Variants in MAPK8IP3 observed in about 807,000 individuals in gnomAD.
MAPK8IP3 encodes mitogen-activated protein kinase 8 interacting protein 3.
MAPK8IP3 carries 49 observed loss-of-function variants against 157.8 expected under a neutral mutation model. That is an observed-to-expected ratio of 0.31 (90% CI 0.25 to 0.39). The LOEUF (loss-of-function observed/expected upper bound fraction) is 0.39. MAPK8IP3 is among the 10% of genes least tolerant of loss of function. The probability of loss-of-function intolerance (pLI) is 1.00; values close to 1 mark genes in which losing one functional copy is unlikely to be tolerated. For synonymous variants in MAPK8IP3, 897 were observed against 777.7 expected (o/e 1.15, Z -2.55); for missense variants, 1,478 against 1,889.4 (o/e 0.78, Z 4.04).
intron 16 of MAPK8IP3, 152 bp from the exon 17 acceptor site, chr16:1,763,505 C>A: frequency 8.6e-7 from 1 of 1,162,426 alleles, no homozygotes; most frequent in Non-Finnish European, 1.2e-6. Flanking sequence ...GCCGGGAAAG[C>A]CACCCTTCCC....
intron 19 of MAPK8IP3, among the ~76,000 whole-genome samples, chr16:1,764,678 G>C (rs2042153272): frequency 1.3e-5 from 2 of 152,236 alleles, no homozygotes; most frequent in South Asian, 4.1e-4. Flanking sequence ...CCTGGAGTGG[G>C]CCTGCACTGG....
Position 1,767,881 on chromosome 16 carries a change from CG to C in MAPK8IP3, c.3488del (p.Gly1163AlafsTer10). ...CGGGCAGCCGGCTCTGGGTGGGCAC[CG>C]GCAACGGAGTGGTCATCTCCATCCC... ...VAGSRLWVGT[G>X]NGVVISIPLT... On this transcript the variant is annotated frameshift_variant, in exon 28 of 32. Transcript: ENST00000610761. LOFTEE classifies it high-confidence loss of function. The C allele has an allele frequency of 6.2e-7, 1 of 1,611,314 alleles. No individual in the cohort carries two copies. The highest frequency in any genetic ancestry group is 8.5e-7 in the Non-Finnish European group (1 of 1,179,948).
At chr16:1,735,382 G>A (rs113564562) in intron 4 of MAPK8IP3, among the ~76,000 whole-genome samples, 36 of 150,158 alleles carry the variant, frequency 2.4e-4, no homozygotes, top group African/African-American at 6.4e-4. Flanking sequence ...CCACGTGAGC[G>A]TTCGTGTGGA....
chr16:1,744,807 G>A (rs117884379), intron 5 of MAPK8IP3: 50,480 of 985,294 alleles, frequency 0.051, 1,371 homozygotes, highest in Non-Finnish European at 0.055. Context: ...AAATTGTAGC[G>A]TTTTATGTTT....
rs1402087835 is a variant in MAPK8IP3, at chr16:1,717,440, C to T, written c.319-7117C>T. Among the ~76,000 whole-genome samples the T allele has an allele frequency of 3.3e-5, 5 of 152,138 alleles. No homozygotes were observed. In the South Asian group the frequency reaches 6.2e-4, roughly 19 times the overall value. ...TTCGTGTCTCGACTGAGGAACGACA[C>T]CCATGTTTTCCTTCATTTTGTAATC... On this transcript the variant is annotated intron_variant, in intron 1 of 31. Transcript: ENST00000610761.
chr16:1,732,469 A>G (rs1204681548), intron 4 of MAPK8IP3, among the ~76,000 whole-genome samples: 1 of 152,238 alleles, frequency 6.6e-6, no homozygotes, highest in African/African-American at 2.4e-5. Context: ...GAGTCTCTGG[A>G]CGTGAGAGCA....
intron 2 of MAPK8IP3, among the ~76,000 whole-genome samples, chr16:1,728,132 C>G (rs992294909): frequency 1.3e-5 from 2 of 152,242 alleles, no homozygotes; most frequent in African/African-American, 4.8e-5. Flanking sequence ...ATTGGCGGGA[C>G]ATAGAGTGGG....
rs143842253 is a variant in MAPK8IP3 at position 1,718,892 on chromosome 16, T to A, written c.319-5665T>A. Among the ~76,000 whole-genome samples, 680 of 152,184 alleles carry A rather than the reference T, an allele frequency of 4.5e-3. 4 individuals are homozygous for A. The highest frequency in any genetic ancestry group is 5.8e-3 in the Non-Finnish European group (393 of 68,006). On this transcript the variant is annotated intron_variant, in intron 1 of 31. Coordinates refer to ENST00000610761, the MANE Select transcript of MAPK8IP3 (RefSeq NM_001318852.2). The stretch of plus-strand genomic sequence containing the variant: ...TCTCACCCCAAGTCTAGCCCTAGCA[T>A]CTTCTCACTGAAAACGACTCAACAT...
Position 1,768,986 on chromosome 16 carries a change from G to A in MAPK8IP3, c.*162G>A. 1.3e-6 allele frequency: 1 copy of A among 781,612 alleles called. No homozygotes were observed. The highest frequency in any genetic ancestry group is 2.0e-6 in the Non-Finnish European group (1 of 495,440). The allele number at this position is 781,612 out of a possible 1,614,324, so 48.4% of individuals were successfully genotyped here. A position where few individuals can be genotyped will look rare whatever the true frequency, so the allele number is the denominator to read the frequency against. ...CCCTCCAGCGGGCAGGGAGTGCGGGGATGCGGATCAGCTGGGAGGAGGAGG... is the reference window on the plus strand; with the variant it reads ...CCCTCCAGCGGGCAGGGAGTGCGGGAATGCGGATCAGCTGGGAGGAGGAGG... On this transcript the variant is annotated 3_prime_UTR_variant, in exon 32 of 32. Transcript: ENST00000610761.
At chr16:1,764,875 C>T (rs1381300957) in intron 19 of MAPK8IP3, 138 bp from the exon 20 acceptor site, 5 of 811,560 alleles carry the variant, frequency 6.2e-6, no homozygotes, top group East Asian at 2.7e-5. Flanking sequence ...TTGTTCTGGT[C>T]CTGGGGGAGG....
chr16:1,744,049 G>A (rs1255591811), intron 5 of MAPK8IP3: 1 of 988,968 alleles, frequency 1.0e-6, no homozygotes, highest in African/African-American at 1.7e-5. Context: ...CACAGCCAGA[G>A]TGCGGGGGCC....
In MAPK8IP3 at chr16:1,768,767, G is replaced by A. The variant is rs955518685; in HGVS notation, c.3957G>A (p.Leu1319=). Residue 1319 remains leucine, a synonymous_variant, in exon 32 of 32, where the codon CTG becomes CTA. Transcript: ENST00000610761. Reference sequence around the variant, plus strand: ...ACATGAGCCAGGTGAAGCCCGTGCTGTCCAAGGCAGAGCGCAGTCACATCA... The same window carrying A: ...ACATGAGCCAGGTGAAGCCCGTGCTATCCAAGGCAGAGCGCAGTCACATCA... ...AGDMSQVKPV[L]SKAERSHIIV... is the part of the protein sequence containing the mutation. The A allele has an allele frequency of 5.0e-6, 8 of 1,612,678 alleles. No homozygotes were observed. Among genetic ancestry groups the A allele is most frequent in the African/African-American group, 4.0e-5 (3 of 74,910 alleles).
At chr16:1,711,323 C>T (rs544975456) in intron 1 of MAPK8IP3, among the ~76,000 whole-genome samples, 5 of 152,238 alleles carry the variant, frequency 3.3e-5, no homozygotes, top group South Asian at 2.1e-4. Flanking sequence ...TCTTATTGAC[C>T]TTGACCATTG....
At chr16:1,765,690 AG>A (rs1399835828) in intron 20 of MAPK8IP3, among the ~76,000 whole-genome samples, 3 of 152,174 alleles carry the variant, frequency 2.0e-5, no homozygotes, top group African/African-American at 7.2e-5. Context: ...GGTCTGCCAC[AG>A]GATCACAGGT....
intron 1 of MAPK8IP3, among the ~76,000 whole-genome samples, chr16:1,722,171 T>G (rs1174810044): frequency 6.6e-6 from 1 of 152,234 alleles, no homozygotes; most frequent in Non-Finnish European, 1.5e-5. Flanking sequence ...TTTTATTTTT[T>G]GTACCGCCGC....
At position 1,751,286 on chromosome 16, in the gene MAPK8IP3, C is replaced by G. The variant is rs1462818945; in HGVS notation, c.1216+2566C>G. Among the ~76,000 whole-genome samples the G allele has an allele frequency of 1.3e-5, 2 of 152,090 alleles. No individual in the cohort carries two copies. The highest frequency in any genetic ancestry group is 4.8e-5 in the African/African-American group (2 of 41,420). On this transcript the variant is annotated intron_variant, in intron 8 of 31. Transcript: ENST00000610761. This position sits in a 1 kb window ranked among gnomAD's most constrained non-coding sequence, Gnocchi z 5.0. ...GCCTGGCCAACATGGTGAAACCCATCTCTACTAAAAATACAAAAAGAAATT... is the reference window on the plus strand; with the variant it reads ...GCCTGGCCAACATGGTGAAACCCATGTCTACTAAAAATACAAAAAGAAATT...
Position 1,763,058 on chromosome 16 carries a change from C to G in MAPK8IP3, c.1898+52C>G, listed in dbSNP as rs780779756. 5 of 1,602,294 alleles carry G rather than the reference C, an allele frequency of 3.1e-6. No individual in the cohort carries two copies. In the African/African-American group the frequency reaches 4.0e-5, roughly 13 times the overall value. On this transcript the variant is annotated intron_variant, in intron 16 of 31. Coordinates refer to ENST00000610761, the MANE Select transcript of MAPK8IP3 (RefSeq NM_001318852.2). ...GGCCTGCAATGGGGTTGGGGAGGCC[C>G]TGTCCTGAGGCTCCTCCCCTCCAGG... is the stretch of plus-strand genomic sequence containing the variant.
intron 4 of MAPK8IP3, among the ~76,000 whole-genome samples, chr16:1,739,736 GTGTGTGACCGTCCGTGTGTGACCGTCCA>G (rs2040505902): frequency 7.3e-6 from 1 of 136,476 alleles, no homozygotes; most frequent in African/African-American, 2.8e-5. Context: ...GTGACCGTGT[GTGTGTGACCGTCCGTGTGTGACCGTCCA>G]TGTGAGCGTG....
rs772781501 is a variant in MAPK8IP3 at position 1,765,964 on chromosome 16, C to A, written c.2451C>A (p.Ala817=). Residue 817 remains alanine, a synonymous_variant, in exon 21 of 32, where the codon GCC becomes GCA. Transcript: ENST00000610761. ...ACGGGCCGTCCCTCTCCCCAGCGGC[C>A]AGCGACAGCGACTACCCTCCCGGGG... ...HVLCISSIPA[A]SDSDYPPGEM... 9.9e-6 allele frequency: 16 copies of A among 1,610,690 alleles called. No homozygotes were observed. Among genetic ancestry groups the A allele is most frequent in the Non-Finnish European group, 1.4e-5 (16 of 1,178,788 alleles).
Sources: allele counts gnomAD v4.1 joint callset (sites outside exome capture counted in the v4.1 genomes callset), GRCh38; gene constraint gnomAD v4.1.1; non-coding constraint Gnocchi (gnomAD v3.1); transcripts MANE v1.5; gene names NCBI Gene and HGNC (gene_info 2026-07-23, HGNC 2026-07-21).